The following MCTP2 variants were observed in gnomAD, a reference collection of about 807,000 sequenced individuals.
The protein encoded by MCTP2 is multiple C2 and transmembrane domain-containing protein 2.
Under a neutral mutation model 111.6 loss-of-function variants are expected in MCTP2, and 132 were observed. That is an observed-to-expected ratio of 1.18 (90% CI 1.03 to 1.37). MCTP2 has a LOEUF of 1.37. MCTP2 is among the 40% of genes most tolerant of loss of function. The pLI, the probability that MCTP2 is intolerant of heterozygous loss-of-function variation, is 0.00. For synonymous variants in MCTP2, 395 were observed against 387.7 expected (o/e 1.02, Z -0.22); for missense variants, 1,183 against 1,067.9 (o/e 1.11, Z -1.50).
intron 17 of MCTP2, among the ~76,000 whole-genome samples, chr15:94,410,809 G>A (rs1394866134): frequency 6.6e-6 from 1 of 152,228 alleles, no homozygotes; most frequent in Non-Finnish European, 1.5e-5. Context: ...GTTACCAGAT[G>A]TTGCTTTCTT....
Position 94,298,362 on chromosome 15 carries a change from A to G in MCTP2, c.97A>G (p.Ser33Gly), listed in dbSNP as rs769309867. The part of the protein sequence containing the change: ...LSKKKVKKNP[S>G]KPPDLRARHH... Reference sequence around the variant, plus strand: ...CAAGAAGAAGGTGAAAAAGAACCCAAGTAAGCCCCCAGATCTACGGGCAAG... The same window carrying G: ...CAAGAAGAAGGTGAAAAAGAACCCAGGTAAGCCCCCAGATCTACGGGCAAG... Residue 33 changes from serine to glycine, a missense_variant, in exon 2 of 23, where the codon AGT becomes GGT. Transcript: ENST00000357742. 4.3e-6 allele frequency: 7 copies of G among 1,614,138 alleles called. No individual in the cohort carries two copies. The highest frequency in any genetic ancestry group is 5.9e-6 in the Non-Finnish European group (7 of 1,179,998).
intron 10 of MCTP2, among the ~76,000 whole-genome samples, chr15:94,364,656 T>C (rs1156649770): frequency 6.6e-6 from 1 of 152,250 alleles, no homozygotes; most frequent in Non-Finnish European, 1.5e-5. Context: ...GATATTTCTC[T>C]TTTGGGAGGT....
intron 4 of MCTP2, among the ~76,000 whole-genome samples, chr15:94,337,614 TG>T (rs1192145670): frequency 1.3e-5 from 2 of 150,224 alleles, no homozygotes; most frequent in African/African-American, 4.9e-5. Flanking sequence ...TTTCACTGAA[TG>T]GCTGTGAATG....
At position 94,383,821 on chromosome 15, in the gene MCTP2, C is replaced by T. The variant is rs558395984; in HGVS notation, c.1583-201C>T. ...ATCAGGCGGTGTGTTTGTTCTAACCCGTTGAGTATTGCTAAAGGTACAACA... is the reference window on the plus strand; with the variant it reads ...ATCAGGCGGTGTGTTTGTTCTAACCTGTTGAGTATTGCTAAAGGTACAACA... On this transcript the variant is annotated intron_variant, in intron 12 of 22. Transcript: ENST00000357742. Among the ~76,000 whole-genome samples, 8 of 152,272 alleles carry T rather than the reference C, an allele frequency of 5.3e-5. No individual in the cohort carries two copies. The South Asian group carries it at 1.0e-3, about 20-fold the overall frequency.
At chr15:94,450,999 A>G (rs2084409646) in intron 19 of MCTP2, among the ~76,000 whole-genome samples, 1 of 152,234 alleles carries the variant, frequency 6.6e-6, no homozygotes, top group Non-Finnish European at 1.5e-5. Context: ...ATGGTGCTAT[A>G]CTCATTGGAT....
At position 94,375,685 on chromosome 15, in the gene MCTP2, G is replaced by A. The variant is rs1030070693; in HGVS notation, c.1582+5505G>A. 4.6e-5 allele frequency among the ~76,000 whole-genome samples: 7 copies of A among 152,028 alleles called. No individual in the cohort carries two copies. The South Asian group carries it at 6.2e-4, about 14-fold the overall frequency. On this transcript the variant is annotated intron_variant, in intron 12 of 22. Transcript: ENST00000357742. ...GTCACTTGGACCCTTTTCTCTTTCC[G>A]TTGTTAATAAAGGAAATAACTCCCA... is the stretch of plus-strand genomic sequence containing the variant.
At chr15:94,461,749 G>C in intron 20 of MCTP2, among the ~76,000 whole-genome samples, 1 of 152,138 alleles carries the variant, frequency 6.6e-6, no homozygotes, top group Non-Finnish European at 1.5e-5. Flanking sequence ...CTAAGCAGAA[G>C]ATGGGCAAGC....
In MCTP2 at chr15:94,285,159, C is replaced by G. The variant is rs1192305960; in HGVS notation, c.-65-13042C>G. ...AGGCATAAACTTCCAAGAGTTCTCTCTCTGTGGAGTCACACAGGACATGTT... is the reference window on the plus strand; with the variant it reads ...AGGCATAAACTTCCAAGAGTTCTCTGTCTGTGGAGTCACACAGGACATGTT... On this transcript the variant is annotated intron_variant, in intron 1 of 22. Coordinates refer to ENST00000357742, the MANE Select transcript of MCTP2 (RefSeq NM_001385001.1). Among the ~76,000 whole-genome samples, 3 of 152,140 alleles carry G rather than the reference C, an allele frequency of 2.0e-5. No homozygotes were observed. The East Asian group carries it at 5.8e-4, about 29-fold the overall frequency.
chr15:94,256,394 G>A (rs1481617269), intron 1 of MCTP2, among the ~76,000 whole-genome samples: 1 of 152,138 alleles, frequency 6.6e-6, no homozygotes, highest in Non-Finnish European at 1.5e-5. Flanking sequence ...TACTCAACCT[G>A]TAGTAGGAAT....
chr15:94,245,408 A>G (rs1348725775), intron 1 of MCTP2, among the ~76,000 whole-genome samples: 9 of 137,250 alleles, frequency 6.6e-5, no homozygotes, highest in Admixed American at 4.5e-4. Flanking sequence ...GTGTGTATAT[A>G]TTTATATACA....
At chr15:94,283,197 C>T (rs7497143) in intron 1 of MCTP2, among the ~76,000 whole-genome samples, 101,449 of 152,006 alleles carry the variant, frequency 0.67, 34,487 homozygotes, top group African/African-American at 0.81. Flanking sequence ...GCTGAGGCTG[C>T]GCTGTAAGTT....
At position 94,257,601 on chromosome 15, in the gene MCTP2, T is replaced by C. The variant is rs1170688730; in HGVS notation, c.-66+25937T>C. Reference sequence around the variant, plus strand: ...TTTTTTTTTTTTTTTTTTTTTTTTTTTTTGAGACGGAGTCTTGCTCTGTCA... The same window carrying C: ...TTTTTTTTTTTTTTTTTTTTTTTTTCTTTGAGACGGAGTCTTGCTCTGTCA... On this transcript the variant is annotated intron_variant, in intron 1 of 22. Transcript: ENST00000357742. 2.2e-3 allele frequency among the ~76,000 whole-genome samples: 267 copies of C among 120,918 alleles called. 5 individuals carry two copies. Among genetic ancestry groups the C allele is most frequent in the African/African-American group, 8.1e-3 (256 of 31,516 alleles). The allele number at this position is 120,918 out of a possible 152,430, so 79.3% of individuals were successfully genotyped here.
At chr15:94,235,215 T>C (rs1290442577) in intron 1 of MCTP2, among the ~76,000 whole-genome samples, 1 of 151,012 alleles carries the variant, frequency 6.6e-6, no homozygotes, top group East Asian at 1.9e-4. Flanking sequence ...GATTGCACCA[T>C]TGCATTCCAG....
intron 15 of MCTP2, chr15:94,399,384 T>G (rs1186718475): frequency 4.6e-6 from 1 of 218,264 alleles, no homozygotes; most frequent in East Asian, 1.2e-4. Flanking sequence ...ATCTGATTCT[T>G]TGGGGTCTTA....
chr15:94,383,213 A>G (rs2080254203), intron 12 of MCTP2, among the ~76,000 whole-genome samples: 1 of 152,226 alleles, frequency 6.6e-6, no homozygotes, highest in Non-Finnish European at 1.5e-5. Context: ...TTAACTCCTA[A>G]AGAGCCATTT....
chr15:94,401,905 A>T lies in MCTP2; in HGVS notation c.1971A>T (p.Leu657Phe), dbSNP rs774644591. ...EDSRKLSKKI[L>F]SRDVDRVKRI... ...TTGTCATTTTTTAAAATCAGATCTT[A>T]TCAAGAGATGTGGACCGTGTGAAAA... is the stretch of plus-strand genomic sequence containing the variant. The change falls in exon 17 of 23, where the codon TTA (leucine) becomes TTT (phenylalanine). Residue 657 changes from leucine (L) to phenylalanine (F), a missense_variant. Physicochemically the swap from Leu to Phe is conservative, Grantham distance 22. Coordinates refer to ENST00000357742, the MANE Select transcript of MCTP2 (RefSeq NM_001385001.1). The T allele has an allele frequency of 1.2e-6, 2 of 1,606,246 alleles. No homozygotes were observed. Among genetic ancestry groups the T allele is most frequent in the South Asian group, 2.3e-5 (2 of 88,840 alleles).
intron 20 of MCTP2, among the ~76,000 whole-genome samples, chr15:94,462,998 A>G (rs55791827): frequency 0.22 from 34,153 of 152,088 alleles, 4,278 homozygotes; most frequent in African/African-American, 0.32. Flanking sequence ...CCATTTTAAC[A>G]CTAAAATTGT....
intron 1 of MCTP2, among the ~76,000 whole-genome samples, chr15:94,246,405 A>G (rs1330350048): frequency 6.6e-6 from 1 of 152,146 alleles, no homozygotes; most frequent in Non-Finnish European, 1.5e-5. Flanking sequence ...GGATTATAGG[A>G]TAGTATTTCT....
chr15:94,299,151 C>T (rs56286649), intron 2 of MCTP2, among the ~76,000 whole-genome samples: 28,661 of 149,108 alleles, frequency 0.19, 3,013 homozygotes, highest in East Asian at 0.28. Flanking sequence ...GTATTGATTG[C>T]ACCCAGTGTT....
Sources: gnomAD v4.1 joint callset for allele counts (sites outside exome capture counted in the v4.1 genomes callset) on GRCh38, gnomAD v4.1.1 for gene constraint, MANE v1.5 for transcripts, NCBI Gene and HGNC (gene_info 2026-07-23, HGNC 2026-07-21) for gene names.